The following TASOR2 variants were observed in gnomAD, a reference collection of about 807,000 sequenced individuals.
TASOR2 encodes the protein transcription activation suppressor family member 2.
A neutral mutation model predicts 199.5 loss-of-function variants in TASOR2; 84 were observed. That is an observed-to-expected ratio of 0.42 (90% confidence interval 0.35 to 0.50). The LOEUF (loss-of-function observed/expected upper bound fraction) is 0.50. Ranked by LOEUF, TASOR2 falls within the 20% of genes least tolerant of loss-of-function variation. The pLI is 0.02. For synonymous variants in TASOR2, 1,103 were observed against 1,046.6 expected (o/e 1.05, Z -1.04); for missense variants, 2,796 against 2,835.9 (o/e 0.99, Z 0.32).
Position 5,710,198 on chromosome 10 carries a change from C to T in TASOR2, c.-287-2625C>T, listed in dbSNP as rs1831734224. 6.6e-6 allele frequency among the ~76,000 whole-genome samples: 1 copy of T among 151,886 alleles called. No individual in the cohort carries two copies. Among genetic ancestry groups the T allele is most frequent in the South Asian group, 2.1e-4 (1 of 4,820 alleles). On this transcript the variant is annotated intron_variant, in intron 1 of 20. Transcript: ENST00000328090. This position sits in a 1 kb window ranked among gnomAD's most constrained non-coding sequence, Gnocchi z 4.6. Reference sequence around the variant, plus strand: ...TTCTAGATGAAATTTTCATCTGTCTCCTCATTTACTGAACAGGAAACTTGT... The same window carrying T: ...TTCTAGATGAAATTTTCATCTGTCTTCTCATTTACTGAACAGGAAACTTGT...
Position 5,731,234 on chromosome 10 carries a change from T to C in TASOR2, c.1204+31T>C, listed in dbSNP as rs372640999. Reference sequence around the variant, plus strand: ...CACGATTTATTTATGTGGGTTATTATAATAATAGTTGTGGCCAGGCGTTGG... The same window carrying C: ...CACGATTTATTTATGTGGGTTATTACAATAATAGTTGTGGCCAGGCGTTGG... On this transcript the variant is annotated intron_variant, in intron 11 of 20. Transcript: ENST00000328090. 362 of 1,577,932 alleles carry C rather than the reference T, an allele frequency of 2.3e-4. No individual in the cohort carries two copies. In the African/African-American group the frequency reaches 4.3e-3, roughly 19 times the overall value.
In TASOR2 at chr10:5,699,853, A is replaced by G. The variant is rs1322842433; in HGVS notation, c.-287-12970A>G. The G allele has an allele frequency of 9.3e-6, 5 of 536,926 alleles. No homozygotes were observed. Among genetic ancestry groups the G allele is most frequent in the Non-Finnish European group, 1.2e-5 (5 of 420,396 alleles). The allele number at this position is 536,926 out of a possible 1,614,324, so 33.3% of individuals were successfully genotyped here. ...TTTTATTGATGCGTAATAGATGTACACAGTTTTAGGATACATGTGATAATA... is the reference window on the plus strand; with the variant it reads ...TTTTATTGATGCGTAATAGATGTACGCAGTTTTAGGATACATGTGATAATA... On this transcript the variant is annotated intron_variant, in intron 1 of 20. Coordinates refer to ENST00000328090, the Ensembl canonical transcript of TASOR2. The surrounding 1 kb of genome is among the most constrained non-coding windows in gnomAD (Gnocchi z 4.1).
intron 10 of TASOR2, among the ~76,000 whole-genome samples, chr10:5,729,074 C>T (rs1834443272): frequency 6.6e-6 from 1 of 152,206 alleles, no homozygotes; most frequent in African/African-American, 2.4e-5. Context: ...AGTGGCCGGG[C>T]ATAGTGGCTC....
intron 11 of TASOR2, among the ~76,000 whole-genome samples, chr10:5,733,655 C>T (rs1835157410): frequency 6.6e-6 from 1 of 152,026 alleles, no homozygotes; most frequent in Non-Finnish European, 1.5e-5. Context: ...CTTTTTTCTC[C>T]CAACACCTGG....
chr10:5,693,158 T>C (rs1383694010), intron 1 of TASOR2, among the ~76,000 whole-genome samples: 3 of 152,204 alleles, frequency 2.0e-5, no homozygotes, highest in Admixed American at 6.5e-5. Context: ...TGAAAGACAC[T>C]TTTGTATGGT....
exon 15 of TASOR2, chr10:5,747,756 C>G: frequency 6.2e-7 from 1 of 1,614,180 alleles, no homozygotes; most frequent in Non-Finnish European, 8.5e-7. Context: ...AGTCAGAAGA[C>G]TTAGGCATAA....
In TASOR2 at chr10:5,722,584, G is replaced by A. The variant is rs1429670769; in HGVS notation, c.147-1093G>A. On this transcript the variant is annotated intron_variant, in intron 6 of 20. Transcript: ENST00000328090. This position sits in a 1 kb window ranked among gnomAD's most constrained non-coding sequence, Gnocchi z 4.0. ...AAAATAATGCGTGTGTATAGAGAGA[G>A]AGAATGACAAAGCAAACATGGTATA... 6.6e-6 allele frequency among the ~76,000 whole-genome samples: 1 copy of A among 152,182 alleles called. No homozygotes were observed. Among genetic ancestry groups the A allele is most frequent in the Non-Finnish European group, 1.5e-5 (1 of 68,028 alleles).
intron 2 of TASOR2, among the ~76,000 whole-genome samples, 167 bp downstream of exon 2, chr10:5,713,085 G>A (rs180847917): frequency 2.6e-5 from 4 of 152,202 alleles, no homozygotes; most frequent in African/African-American, 7.2e-5. Flanking sequence ...AAGGAGATTT[G>A]ATTTGATTTC....
chr10:5,760,222 A>G (rs1839600611), intron 18 of TASOR2, among the ~76,000 whole-genome samples: 1 of 152,242 alleles, frequency 6.6e-6, no homozygotes, highest in Admixed American at 6.5e-5. Flanking sequence ...GTGTCTAAAC[A>G]CAAAAAAGGT....
Position 5,748,203 on chromosome 10 carries a change from A to C in TASOR2, c.4782A>C (p.Thr1594=). 2.5e-6 allele frequency: 4 copies of C among 1,614,258 alleles called. No homozygotes were observed. The highest frequency in any genetic ancestry group is 3.4e-6 in the Non-Finnish European group (4 of 1,180,048). ...CTTTGTCTGACACATTGGTTTCCAC[A>C]ACTGCACCAAGTGGTATAGTGAATG... The change falls in exon 15 of 21, where the codon ACA becomes ACC. Residue 1594 remains threonine (T), a synonymous_variant. Coordinates refer to ENST00000328090, the Ensembl canonical transcript of TASOR2. This position sits in a 1 kb window ranked among gnomAD's most constrained non-coding sequence, Gnocchi z 5.1.
chr10:5,741,871 A>G (rs1836473596), intron 13 of TASOR2, among the ~76,000 whole-genome samples: 1 of 152,226 alleles, frequency 6.6e-6, no homozygotes, highest in African/African-American at 2.4e-5. Context: ...GAAAGAAGGC[A>G]ATTACATGTT....
chr10:5,731,055 G>A (rs1202781277), exon 11 of TASOR2: 1 of 1,614,102 alleles, frequency 6.2e-7, no homozygotes. Flanking sequence ...CTAAGAGGAA[G>A]GCCAGCATGC....
Position 5,699,655 on chromosome 10 carries a change from A to G in TASOR2, c.-287-13168A>G. Reference sequence around the variant, plus strand: ...ACCAGCAGAAAAAAAGAAATAGAGAAAAATGATCAAGCCATTTCAGAAGTA... The same window carrying G: ...ACCAGCAGAAAAAAAGAAATAGAGAGAAATGATCAAGCCATTTCAGAAGTA... On this transcript the variant is annotated intron_variant, in intron 1 of 20. Coordinates refer to ENST00000328090, the Ensembl canonical transcript of TASOR2. The surrounding 1 kb of genome is among the most constrained non-coding windows in gnomAD (Gnocchi z 4.1). The G allele has an allele frequency of 4.2e-6, 1 of 237,694 alleles. No individual in the cohort carries two copies. The highest frequency in any genetic ancestry group is 6.8e-6 in the Non-Finnish European group (1 of 146,512). The allele number at this position is 237,694 out of a possible 1,614,324, so 14.7% of individuals were successfully genotyped here. A position where few individuals can be genotyped will look rare whatever the true frequency, so the allele number is the denominator to read the frequency against.
intron 11 of TASOR2, among the ~76,000 whole-genome samples, chr10:5,733,975 G>A (rs1039324414): frequency 3.3e-5 from 5 of 152,008 alleles, no homozygotes; most frequent in African/African-American, 1.2e-4. Flanking sequence ...TATTCATTTC[G>A]CTAACCCCCA....
intron 14 of TASOR2, among the ~76,000 whole-genome samples, chr10:5,744,908 C>CG (rs1215563666): frequency 7.2e-5 from 11 of 152,134 alleles, no homozygotes; most frequent in Admixed American, 6.5e-4. Flanking sequence ...AGATTACAGG[C>CG]GTGAGAAGCC....
In TASOR2 at chr10:5,746,235, G is replaced by A. The variant is rs553191524; in HGVS notation, c.2814G>A (p.Ser938=). ...TGGAGACTTCTAATCTTGTGCTTTCGGGTATTGGAAGTACACAAACTAATG... is the reference window on the plus strand; with the variant it reads ...TGGAGACTTCTAATCTTGTGCTTTCAGGTATTGGAAGTACACAAACTAATG... The change falls in exon 15 of 21, where the codon TCG becomes TCA. Residue 938 remains serine, a synonymous_variant. Transcript: ENST00000328090. The A allele has an allele frequency of 2.5e-5, 41 of 1,611,430 alleles. No individual in the cohort carries two copies. The South Asian group carries it at 3.9e-4, about 15-fold the overall frequency.
At chr10:5,696,283 T>G (rs551759406) in intron 1 of TASOR2, among the ~76,000 whole-genome samples, 46 of 152,354 alleles carry the variant, frequency 3.0e-4, no homozygotes, top group African/African-American at 1.1e-3. Flanking sequence ...ATTGAACAGT[T>G]GGATCCATCA....
chr10:5,730,829 C>T lies in TASOR2; in HGVS notation c.830C>T (p.Ala277Val). The T allele has an allele frequency of 1.2e-6, 2 of 1,614,168 alleles. No homozygotes were observed. Among genetic ancestry groups the T allele is most frequent in the Non-Finnish European group, 1.7e-6 (2 of 1,180,034 alleles). ...GCTTACATTTTGGAAGTGTCTACTGCTTTGGACTTGCTAGCAGAGCATCCT... is the reference window on the plus strand; with the variant it reads ...GCTTACATTTTGGAAGTGTCTACTGTTTTGGACTTGCTAGCAGAGCATCCT... The change falls in exon 11 of 21, where the codon GCT (alanine) becomes GTT (valine). Residue 277 changes from alanine to valine, a missense_variant. Around this residue, in one of 3 missense-constraint regions of TASOR2, gnomAD observed 847 missense variants for 887.4 expected, o/e 0.95. Transcript: ENST00000328090. This position sits in a 1 kb window ranked among gnomAD's most constrained non-coding sequence, Gnocchi z 4.1.
intron 10 of TASOR2, among the ~76,000 whole-genome samples, chr10:5,729,427 G>A (rs936372854): frequency 1.4e-5 from 2 of 147,616 alleles, no homozygotes; most frequent in African/African-American, 2.5e-5. Context: ...TGTGCCCGGA[G>A]TGGTGGCTCA....
Sources: allele counts gnomAD v4.1 joint callset (sites outside exome capture counted in the v4.1 genomes callset), GRCh38; gene constraint gnomAD v4.1.1; regional missense constraint gnomAD v4.1.1; non-coding constraint Gnocchi (gnomAD v3.1); transcripts MANE v1.5; gene names NCBI Gene and HGNC (gene_info 2026-07-23, HGNC 2026-07-21).